The following ADH1C variants were observed in gnomAD, a reference collection of about 807,000 sequenced individuals.
ADH1C encodes alcohol dehydrogenase 1C (class I), gamma polypeptide.
ADH1C carries 26 observed loss-of-function variants against 35.0 expected under a neutral mutation model. The observed-to-expected ratio is 0.74, with a 90% CI of 0.54 to 1.03. The LOEUF is 1.03. ADH1C is among the 50% of genes least tolerant of loss of function. The pLI is 0.00. For missense variants in ADH1C, 413 were observed against 465.4 expected, an observed-to-expected ratio of 0.89 and a Z score of 1.04; for synonymous variants, 170 against 169.3, an observed-to-expected ratio of 1.00 and a Z score of -0.03.
chr4:99,343,380 G>C (rs1448116573), intron 5 of ADH1C, among the ~76,000 whole-genome samples: 2 of 152,188 alleles, frequency 1.3e-5, no homozygotes, highest in Admixed American at 1.3e-4. Context: ...GGTCAGGCTG[G>C]GAACCAGGGG....
At chr4:99,344,656 C>G (rs371802943) in intron 5 of ADH1C, among the ~76,000 whole-genome samples, 1 of 135,450 alleles carries the variant, frequency 7.4e-6, no homozygotes, top group African/African-American at 2.5e-5. Flanking sequence ...AAAATGACAT[C>G]TTTACATTTT....
At chr4:99,346,886 C>A (rs1734541842) in intron 3 of ADH1C, 120 bp downstream of exon 3, 14 of 1,489,210 alleles carry the variant, frequency 9.4e-6, no homozygotes, top group Non-Finnish European at 1.3e-5. Context: ...CCCTGAAGTC[C>A]CAGCTTCCCT....
Position 99,340,580 on chromosome 4 carries a change from A to C in ADH1C, c.959T>G (p.Phe320Cys). 1 of 1,614,174 alleles carries C rather than the reference A, an allele frequency of 6.2e-7. No homozygotes were observed. Among genetic ancestry groups the C allele is most frequent in the South Asian group, 1.1e-5 (1 of 91,080 alleles). ...TCTGAAGCCTAACTACATACCTCCA[A>C]AAATAGCTCCTTTCCACGTGCGTCC... ...LTGRTWKGAI[F>C]GGFKSKESVP... The change falls in exon 7 of 9, where the codon TTT (phenylalanine) becomes TGT (cysteine). Residue 320 changes from phenylalanine (F) to cysteine (C), a missense_variant. Physicochemically the swap from Phe to Cys is radical, Grantham distance 205. Coordinates refer to ENST00000515683, the MANE Select transcript of ADH1C (RefSeq NM_000669.5).
chr4:99,338,840 C>T (rs1334060141), intron 8 of ADH1C, among the ~76,000 whole-genome samples: 1 of 151,308 alleles, frequency 6.6e-6, no homozygotes, highest in Non-Finnish European at 1.5e-5. Flanking sequence ...AGCTAGAAGG[C>T]AGAGATTAGA....
At position 99,345,336 on chromosome 4, in the gene ADH1C, C is replaced by G; in HGVS notation, c.260-70G>C. The G allele has an allele frequency of 3.6e-6, 5 of 1,404,382 alleles. No individual in the cohort carries two copies. The South Asian group carries it at 5.0e-5, about 14-fold the overall frequency. The allele number at this position is 1,404,382 out of a possible 1,614,324, so 87.0% of individuals were successfully genotyped here. A position where few individuals can be genotyped will look rare whatever the true frequency, so the allele number is the denominator to read the frequency against. ...ATTAATAGAGCAAAAACTTAACGCTCACATGTATAGATTAGAATTATGTGT... is the reference window on the plus strand; with the variant it reads ...ATTAATAGAGCAAAAACTTAACGCTGACATGTATAGATTAGAATTATGTGT... On this transcript the variant is annotated intron_variant, in intron 3 of 8. Transcript: ENST00000515683.
At chr4:99,338,651 T>C (rs1450440660) in intron 8 of ADH1C, among the ~76,000 whole-genome samples, 2 of 149,282 alleles carry the variant, frequency 1.3e-5, no homozygotes, top group African/African-American at 2.5e-5. Flanking sequence ...AGAAAATGCA[T>C]GTAAGACACT....
intron 8 of ADH1C, 50 bp downstream of exon 8, chr4:99,339,527 G>T: frequency 4.8e-5 from 32 of 665,236 alleles, no homozygotes; most frequent in South Asian, 7.6e-5. Context: ...CCCCCCCCCC[G>T]CCGCTACTGT....
intron 8 of ADH1C, among the ~76,000 whole-genome samples, chr4:99,338,440 T>TATATAA (rs1734334450): frequency 1.7e-5 from 1 of 58,968 alleles, no homozygotes; most frequent in South Asian, 4.4e-4. Flanking sequence ...TATATATATA[T>TATATAA]ATATACACAC....
At chr4:99,337,375 C>A (rs1476569099) in intron 8 of ADH1C, among the ~76,000 whole-genome samples, 1 of 151,834 alleles carries the variant, frequency 6.6e-6, no homozygotes, top group African/African-American at 2.4e-5. Context: ...AAAGTTAGGA[C>A]CATGCTGGAG....
intron 1 of ADH1C, among the ~76,000 whole-genome samples, chr4:99,350,076 A>G (rs1043403157): frequency 1.3e-5 from 2 of 152,114 alleles, no homozygotes; most frequent in Admixed American, 1.3e-4. Flanking sequence ...CTGCCAATTA[A>G]TTTTCATTAT....
In ADH1C at chr4:99,347,094, G is replaced by C. The variant is rs1452382320; in HGVS notation, c.171C>G (p.Asn57Lys). The C allele has an allele frequency of 2.5e-6, 4 of 1,614,100 alleles. No homozygotes were observed. The highest frequency in any genetic ancestry group is 3.4e-6 in the Non-Finnish European group (4 of 1,180,004). The change falls in exon 3 of 9, where the codon AAC becomes AAG. Residue 57 changes from asparagine (N) to lysine (K), a missense_variant. By Grantham distance (94) the Asn-to-Lys change is moderately conservative (BLOSUM62 0). Transcript: ENST00000515683. ...CRSDEHVVSG[N>K]LVTPLPVILG... ...AAATCACAGGAAGGGGGGTCACCAG[G>C]TTGCCACTAACCACATGCTCATCTG...
chr4:99,347,807 T>A lies in ADH1C; in HGVS notation c.58A>T (p.Lys20Ter). The stretch of plus-strand genomic sequence containing the variant: ...TCTACCTCCTCAATGGAAAAGGGTT[T>A]CTTTAACTCCCATAGCACAGCTGCT... ...CKAAVLWELK[K>*]PFSIEEVEVA... Residue 20 changes from lysine to a stop codon, truncating the protein, a stop_gained, in exon 2 of 9, where the codon AAA becomes TAA. Transcript: ENST00000515683. LOFTEE classifies it high-confidence loss of function. 6.2e-7 allele frequency: 1 copy of A among 1,613,952 alleles called. No individual in the cohort carries two copies.
chr4:99,344,683 C>G (rs1000563194), intron 5 of ADH1C, among the ~76,000 whole-genome samples, 179 bp downstream of exon 5: 6 of 151,748 alleles, frequency 4.0e-5, no homozygotes, highest in Admixed American at 6.6e-5. Flanking sequence ...AAGTTTTTAT[C>G]TGCAATAAAT....
intron 1 of ADH1C, among the ~76,000 whole-genome samples, chr4:99,348,396 G>A (rs1215982499): frequency 2.0e-5 from 3 of 151,182 alleles, no homozygotes; most frequent in Admixed American, 1.3e-4. Context: ...TTGTTCTTGC[G>A]ATAGTTTACT....
At chr4:99,344,831 A>C in intron 5 of ADH1C, 31 bp downstream of exon 5, 1 of 1,612,126 alleles carries the variant, frequency 6.2e-7, no homozygotes, top group Non-Finnish European at 8.5e-7. Flanking sequence ...GTCTGCGTGT[A>C]ACCGGTTTTA....
rs1560539105 is a variant in ADH1C at position 99,347,761 on chromosome 4, T to C, written c.104A>G (p.His35Arg). 1 of 1,610,014 alleles carries C rather than the reference T, an allele frequency of 6.2e-7. No homozygotes were observed. Among genetic ancestry groups the C allele is most frequent in the Admixed American group, 1.7e-5 (1 of 59,890 alleles). The change falls in exon 2 of 9, where the codon CAT (histidine) becomes CGT (arginine). Residue 35 changes from histidine (H) to arginine (R), a missense_variant. Physicochemically the swap from His to Arg is conservative, Grantham distance 29. Transcript: ENST00000515683. ...GTATTTCACCTTAATGCGAACTTCA[T>C]GAGCCTTAGGAGGTGCAACCTCTAC... ...EEVEVAPPKA[H>R]EVRIKMVAAG...
chr4:99,347,129 T>C lies in ADH1C; in HGVS notation c.136A>G (p.Ile46Val). 2 of 1,613,812 alleles carry C rather than the reference T, an allele frequency of 1.2e-6. No homozygotes were observed. The highest frequency in any genetic ancestry group is 1.1e-5 in the South Asian group (1 of 91,020). ...ACCACATGCTCATCTGAACGACAGA[T>C]TCCTGCAGCCACCATCTACAGAATA... ...EVRIKMVAAG[I>V]CRSDEHVVSG... Residue 46 changes from isoleucine to valine, a missense_variant, in exon 3 of 9, where the codon ATC (isoleucine) becomes GTC (valine). Ile to Val is a conservative substitution (Grantham distance 29). Transcript: ENST00000515683.
chr4:99,337,609 A>C (rs1047600275), intron 8 of ADH1C, among the ~76,000 whole-genome samples: 4 of 151,920 alleles, frequency 2.6e-5, no homozygotes, highest in African/African-American at 9.7e-5. Context: ...TGGTGTGTGT[A>C]TATATATACA....
Position 99,346,925 on chromosome 4 carries a change from C to A in ADH1C, c.259+81G>T. The A allele has an allele frequency of 1.9e-6, 3 of 1,553,242 alleles. No individual in the cohort carries two copies. In the Admixed American group the frequency reaches 5.8e-5, roughly 30 times the overall value. ...ACCTTGTGCAAGTCCTTTCGTCTTTCATTGCCTCGGTTTCCTCATCCAGGC... is the reference window on the plus strand; with the variant it reads ...ACCTTGTGCAAGTCCTTTCGTCTTTAATTGCCTCGGTTTCCTCATCCAGGC... On this transcript the variant is annotated intron_variant, in intron 3 of 8. Transcript: ENST00000515683.
Sources: gnomAD v4.1 joint callset for allele counts (sites outside exome capture counted in the v4.1 genomes callset) on GRCh38, gnomAD v4.1.1 for gene constraint, MANE v1.5 for transcripts, NCBI Gene and HGNC (gene_info 2026-07-23, HGNC 2026-07-21) for gene names.